The following LRCH1 variants were observed in gnomAD, a reference collection of about 807,000 sequenced individuals.
LRCH1 encodes leucine rich repeats and calponin homology domain containing 1, also known as leucine-rich repeat and calponin homology domain-containing protein 1.
LRCH1 carries 23 observed loss-of-function variants against 94.9 expected under a neutral mutation model. The observed-to-expected ratio is 0.24, with a 90% CI of 0.17 to 0.34. The LOEUF is 0.34. Among genes scored for constraint, LRCH1 ranks in the 10% least tolerant of loss-of-function variants. LRCH1 has a pLI of 1.00. For missense variants in LRCH1, 790 were observed against 945.9 expected, an observed-to-expected ratio of 0.84 and a Z score of 2.16; for synonymous variants, 364 against 354.9, an observed-to-expected ratio of 1.03 and a Z score of -0.29.
intron 1 of LRCH1, among the ~76,000 whole-genome samples, chr13:46,573,561 A>T (rs987746709): frequency 2.6e-5 from 4 of 152,124 alleles, no homozygotes; most frequent in African/African-American, 7.2e-5. Flanking sequence ...AAAGAATGAG[A>T]TCCTGTCATT....
At chr13:46,661,045 T>C (rs2051441454) in intron 2 of LRCH1, among the ~76,000 whole-genome samples, 1 of 152,216 alleles carries the variant, frequency 6.6e-6, no homozygotes, top group South Asian at 2.1e-4. Flanking sequence ...CATTTTTACA[T>C]AAATCAATCA....
intron 1 of LRCH1, among the ~76,000 whole-genome samples, chr13:46,644,221 A>G (rs1008299671): frequency 1.1e-4 from 16 of 152,314 alleles, no homozygotes; most frequent in Non-Finnish European, 2.1e-4. Context: ...GTGAAGCTCC[A>G]GTGTCAGGCA....
chr13:46,580,259 CCTGA>C (rs371088953), intron 1 of LRCH1, among the ~76,000 whole-genome samples: 255 of 152,296 alleles, frequency 1.7e-3, no homozygotes, highest in African/African-American at 5.9e-3. Flanking sequence ...CAAATTATAA[CCTGA>C]CTGTTGCCTG....
At chr13:46,597,230 C>T (rs965562630) in intron 1 of LRCH1, among the ~76,000 whole-genome samples, 17 of 152,208 alleles carry the variant, frequency 1.1e-4, no homozygotes, top group African/African-American at 3.1e-4. Flanking sequence ...CCTCAGTTCT[C>T]ATACTGTAAA....
intron 1 of LRCH1, among the ~76,000 whole-genome samples, chr13:46,609,769 T>C (rs1212506926): frequency 6.6e-6 from 1 of 152,138 alleles, no homozygotes; most frequent in Non-Finnish European, 1.5e-5. Context: ...AATTTATAGC[T>C]GTAAAGTAAA....
intron 2 of LRCH1, 130 bp from the exon 3 acceptor site, chr13:46,668,900 A>G (rs2051559954): frequency 1.2e-6 from 1 of 841,790 alleles, no homozygotes; most frequent in Non-Finnish European, 1.8e-6. Context: ...CAGAAAATAT[A>G]TTGGACTTCT....
intron 2 of LRCH1, among the ~76,000 whole-genome samples, chr13:46,666,173 A>G (rs998432773): frequency 4.6e-5 from 7 of 152,188 alleles, no homozygotes; most frequent in African/African-American, 1.7e-4. Flanking sequence ...CTACAGTGTA[A>G]ACAAGACATA....
chr13:46,613,386 G>GA (rs35503529), intron 1 of LRCH1, among the ~76,000 whole-genome samples: 2 of 144,342 alleles, frequency 1.4e-5, no homozygotes, highest in Non-Finnish European at 3.0e-5. Context: ...GACCCCGTCT[G>GA]AAAAAAAAAA....
At chr13:46,729,305 A>G (rs1411615631) in intron 18 of LRCH1, among the ~76,000 whole-genome samples, 1 of 152,212 alleles carries the variant, frequency 6.6e-6, no homozygotes, top group Non-Finnish European at 1.5e-5. Flanking sequence ...TGGGAGGCCA[A>G]GGTGGGTGGA....
intron 8 of LRCH1, among the ~76,000 whole-genome samples, chr13:46,693,623 C>G (rs1294456769): frequency 6.6e-6 from 1 of 152,136 alleles, no homozygotes; most frequent in Non-Finnish European, 1.5e-5. Flanking sequence ...ACCAAAGGTC[C>G]AGTGTAGCTT....
chr13:46,616,947 G>T (rs570693143), intron 1 of LRCH1, among the ~76,000 whole-genome samples: 3 of 152,332 alleles, frequency 2.0e-5, no homozygotes, highest in African/African-American at 7.2e-5. Flanking sequence ...CCTTCTTAAG[G>T]GTGGGGGAGA....
chr13:46,709,625 G>A (rs1871953557), intron 13 of LRCH1, among the ~76,000 whole-genome samples: 1 of 151,996 alleles, frequency 6.6e-6, no homozygotes, highest in South Asian at 2.1e-4. Flanking sequence ...ATGATTTCGG[G>A]AGTCCCTAGA....
At chr13:46,623,509 A>G (rs75713339) in intron 1 of LRCH1, among the ~76,000 whole-genome samples, 9,031 of 151,950 alleles carry the variant, frequency 0.059, 446 homozygotes, top group East Asian at 0.26. Flanking sequence ...TATAAAGTCT[A>G]CTCATCCTTG....
chr13:46,735,899 C>A (rs1177996711), intron 19 of LRCH1, among the ~76,000 whole-genome samples: 1 of 150,266 alleles, frequency 6.7e-6, no homozygotes, highest in Non-Finnish European at 1.5e-5. Context: ...CGGGTTCAAG[C>A]GATTCTCTTG....
chr13:46,595,963 G>T (rs1311298274), intron 1 of LRCH1, among the ~76,000 whole-genome samples: 1 of 151,386 alleles, frequency 6.6e-6, no homozygotes, highest in African/African-American at 2.4e-5. Flanking sequence ...TAAACACATC[G>T]GTCATAACTT....
Position 46,742,664 on chromosome 13 carries a change from A to G in LRCH1, c.*816A>G, listed in dbSNP as rs1873727414. The G allele has an allele frequency of 2.0e-6, 2 of 985,416 alleles. No homozygotes were observed. The highest frequency in any genetic ancestry group is 4.7e-5 in the South Asian group (1 of 21,282). The allele number at this position is 985,416 out of a possible 1,614,324, so 61.0% of individuals were successfully genotyped here. Reference sequence around the variant, plus strand: ...AAAAGCGTTTTCCAGAGAGATTTCTATTTTTGAACAATGGAACGGATCACT... The same window carrying G: ...AAAAGCGTTTTCCAGAGAGATTTCTGTTTTTGAACAATGGAACGGATCACT... On this transcript the variant is annotated 3_prime_UTR_variant, in exon 20 of 20. Coordinates refer to ENST00000389797, the MANE Select transcript of LRCH1 (RefSeq NM_001164211.2).
chr13:46,664,356 G>A (rs1250838161), intron 2 of LRCH1, among the ~76,000 whole-genome samples: 1 of 152,202 alleles, frequency 6.6e-6, no homozygotes, highest in Non-Finnish European at 1.5e-5. Flanking sequence ...AGTGACATAG[G>A]CGTTGTAGCC....
intron 1 of LRCH1, among the ~76,000 whole-genome samples, chr13:46,575,475 T>C (rs2050293168): frequency 6.6e-6 from 1 of 151,330 alleles, no homozygotes; most frequent in Non-Finnish European, 1.5e-5. Flanking sequence ...GAAGGACACA[T>C]TGCTCTGCAG....
At chr13:46,704,665 G>T (rs993633678) in intron 11 of LRCH1, among the ~76,000 whole-genome samples, 1 of 151,934 alleles carries the variant, frequency 6.6e-6, no homozygotes, top group Admixed American at 6.6e-5. Flanking sequence ...TTAAGTGAGA[G>T]ATATAATGTA....
Sources: allele counts gnomAD v4.1 joint callset (sites outside exome capture counted in the v4.1 genomes callset), GRCh38; gene constraint gnomAD v4.1.1; transcripts MANE v1.5; gene names NCBI Gene and HGNC (gene_info 2026-07-23, HGNC 2026-07-21).